Variants in SLC24A2 observed in about 807,000 individuals in gnomAD.
SLC24A2 encodes solute carrier family 24 member 2, also known as sodium/potassium/calcium exchanger 2.
A neutral mutation model predicts 62.0 loss-of-function variants in SLC24A2; 36 were observed. The ratio of observed to expected loss-of-function variants is 0.58; its 90% confidence interval spans 0.44 to 0.77. SLC24A2 has a LOEUF of 0.77. SLC24A2 is among the 30% of genes least tolerant of loss of function. The pLI, the probability that SLC24A2 is intolerant of heterozygous loss-of-function variation, is 0.00. For missense variants in SLC24A2, 846 were observed against 817.9 expected, an observed-to-expected ratio of 1.03 and a Z score of -0.42; for synonymous variants, 358 against 294.0, an observed-to-expected ratio of 1.22 and a Z score of -2.23.
At chr9:19,938,042 T>C in the SLC24A2 span, among the ~76,000 whole-genome samples, 1 of 152,190 alleles carries the variant, frequency 6.6e-6, no homozygotes, top group Admixed American at 6.5e-5. Flanking sequence ...ATTAATAGCA[T>C]TAACTATTAG....
chr9:19,942,126 A>AT, the SLC24A2 span, among the ~76,000 whole-genome samples: 1 of 152,124 alleles, frequency 6.6e-6, no homozygotes, highest in Non-Finnish European at 1.5e-5. Context: ...ATTTTATCTC[A>AT]TTTTGTCAAC....
chr9:19,569,786 C>A (rs185709161), intron 7 of SLC24A2, among the ~76,000 whole-genome samples: 2 of 152,308 alleles, frequency 1.3e-5, no homozygotes, highest in Admixed American at 1.3e-4. Context: ...TCTCTGACTT[C>A]ATTGCTACCA....
At chr9:20,264,983 C>G in the SLC24A2 span, among the ~76,000 whole-genome samples, 39 of 152,198 alleles carry the variant, frequency 2.6e-4, no homozygotes, top group African/African-American at 9.4e-4. Flanking sequence ...CTAGGATTCA[C>G]CCGTGCTCCC....
At chr9:20,302,194 A>T in the SLC24A2 span, among the ~76,000 whole-genome samples, 2 of 152,218 alleles carry the variant, frequency 1.3e-5, no homozygotes, top group African/African-American at 4.8e-5. Flanking sequence ...TGCTATTAAC[A>T]TCTGTGTGTA....
At position 19,514,538 on chromosome 9, in the gene SLC24A2, G is replaced by A. The variant is rs1268018326; in HGVS notation, c.*1615C>T. The stretch of plus-strand genomic sequence containing the variant: ...TTTCCCCCTTGCTGGCTTTATTTTC[G>A]ACTGACATAGATCTGAGAAAACACA... On this transcript the variant is annotated 3_prime_UTR_variant, in exon 11 of 11. Transcript: ENST00000341998. 1.3e-5 allele frequency: 2 copies of A among 152,020 alleles called. No individual in the cohort carries two copies. Among genetic ancestry groups the A allele is most frequent in the African/African-American group, 2.4e-5 (1 of 41,388 alleles). 9.4% of individuals were successfully genotyped at this position (152,020 alleles called of 1,614,324 possible).
chr9:20,191,230 A>G, the SLC24A2 span, among the ~76,000 whole-genome samples: 1 of 150,924 alleles, frequency 6.6e-6, no homozygotes, highest in South Asian at 2.1e-4. Flanking sequence ...AACATCTATT[A>G]TTGCTTTTAG....
chr9:20,301,758 A>G, the SLC24A2 span, among the ~76,000 whole-genome samples: 3 of 152,056 alleles, frequency 2.0e-5, no homozygotes, highest in Admixed American at 1.3e-4. Flanking sequence ...TAATCACTCA[A>G]AGTCCATGGT....
chr9:20,268,643 A>G, the SLC24A2 span, among the ~76,000 whole-genome samples: 5 of 152,368 alleles, frequency 3.3e-5, no homozygotes, highest in East Asian at 9.6e-4. Flanking sequence ...TTCAGCCTCC[A>G]TAACTGTGAC....
intron 7 of SLC24A2, among the ~76,000 whole-genome samples, chr9:19,560,970 G>T (rs1468877454): frequency 6.6e-6 from 1 of 151,188 alleles, no homozygotes; most frequent in Non-Finnish European, 1.5e-5. Context: ...CTGTCACCCA[G>T]GTGGGAGTGC....
At chr9:19,741,112 T>C (rs1270770718) in intron 2 of SLC24A2, among the ~76,000 whole-genome samples, 1 of 152,180 alleles carries the variant, frequency 6.6e-6, no homozygotes, top group East Asian at 1.9e-4. Context: ...CTTAAAGGTT[T>C]GGTTTCTGCT....
intron 2 of SLC24A2, among the ~76,000 whole-genome samples, chr9:19,775,145 C>G (rs7852093): frequency 1.3e-5 from 2 of 152,230 alleles, no homozygotes; most frequent in Admixed American, 1.3e-4. Flanking sequence ...TATGGCCTGG[C>G]GCCCAGATCC....
chr9:19,972,925 A>T, the SLC24A2 span, among the ~76,000 whole-genome samples: 1 of 152,154 alleles, frequency 6.6e-6, no homozygotes, highest in Non-Finnish European at 1.5e-5. Context: ...CTACCTGCCC[A>T]CACTTGCCTG....
At chr9:20,188,259 C>T in the SLC24A2 span, among the ~76,000 whole-genome samples, 20,247 of 152,146 alleles carry the variant, frequency 0.13, 1,406 homozygotes, top group Non-Finnish European at 0.15. Context: ...CCCTGGTTTC[C>T]TTGGAGTTCC....
At chr9:20,041,985 G>A in the SLC24A2 span, among the ~76,000 whole-genome samples, 5 of 152,322 alleles carry the variant, frequency 3.3e-5, no homozygotes, top group East Asian at 1.9e-4. Flanking sequence ...AGCTACAAGC[G>A]CTACCATGAG....
intron 2 of SLC24A2, among the ~76,000 whole-genome samples, chr9:19,737,777 A>G (rs1216606464): frequency 6.6e-6 from 1 of 152,068 alleles, no homozygotes; most frequent in Non-Finnish European, 1.5e-5. Context: ...TATTAAGAAA[A>G]TATGACATTT....
the SLC24A2 span, among the ~76,000 whole-genome samples, chr9:20,145,641 A>G: frequency 6.6e-6 from 1 of 151,388 alleles, no homozygotes; most frequent in Non-Finnish European, 1.5e-5. Context: ...AATTACACAT[A>G]TATACAGGAA....
At chr9:20,129,808 T>C in the SLC24A2 span, among the ~76,000 whole-genome samples, 1 of 151,766 alleles carries the variant, frequency 6.6e-6, no homozygotes, top group Non-Finnish European at 1.5e-5. Flanking sequence ...GCTTGAAGAG[T>C]GAAAGGCTTC....
At chr9:19,761,763 A>G (rs1822339106) in intron 2 of SLC24A2, among the ~76,000 whole-genome samples, 1 of 152,096 alleles carries the variant, frequency 6.6e-6, no homozygotes, top group African/African-American at 2.4e-5. Context: ...TAGTTTGCTG[A>G]GAATGATGGT....
In SLC24A2 at chr9:19,599,541, A is replaced by T. The variant is rs557035974; in HGVS notation, c.1079-2262T>A. Among the ~76,000 whole-genome samples, 1 of 152,280 alleles carries T rather than the reference A, an allele frequency of 6.6e-6. No homozygotes were observed. Among genetic ancestry groups the T allele is most frequent in the South Asian group, 2.1e-4 (1 of 4,828 alleles). On this transcript the variant is annotated intron_variant, in intron 4 of 10. Coordinates refer to ENST00000341998, the MANE Select transcript of SLC24A2 (RefSeq NM_020344.4). The surrounding 1 kb of genome is among the most constrained non-coding windows in gnomAD (Gnocchi z 4.5). ...AAGTCAGAAAAGAATGGAGATGGAAACCAGCCTGCTAGAATACGGTCTTTA... is the reference window on the plus strand; with the variant it reads ...AAGTCAGAAAAGAATGGAGATGGAATCCAGCCTGCTAGAATACGGTCTTTA...
Sources: allele counts gnomAD v4.1 joint callset (sites outside exome capture counted in the v4.1 genomes callset), GRCh38; gene constraint gnomAD v4.1.1; non-coding constraint Gnocchi (gnomAD v3.1); transcripts MANE v1.5; gene names NCBI Gene and HGNC (gene_info 2026-07-23, HGNC 2026-07-21).